Variants in SGCD observed in about 807,000 individuals in gnomAD.
SGCD encodes the protein delta-sarcoglycan.
SGCD carries 18 observed loss-of-function variants against 36.6 expected under a neutral mutation model. That is an observed-to-expected ratio of 0.49 (90% CI 0.34 to 0.73). SGCD has a LOEUF of 0.73. Among genes scored for constraint, SGCD ranks in the 30% least tolerant of loss-of-function variants. The pLI, the probability that SGCD is intolerant of heterozygous loss-of-function variation, is 0.01. For synonymous variants in SGCD, 133 were observed against 130.6 expected (o/e 1.02, Z -0.12); for missense variants, 387 against 346.7 (o/e 1.12, Z -0.92).
At chr5:156,233,373 G>A (rs551158290) in intron 3 of SGCD, among the ~76,000 whole-genome samples, 1 of 152,298 alleles carries the variant, frequency 6.6e-6, no homozygotes, top group Admixed American at 6.5e-5. Context: ...ACTGTAGCTT[G>A]CCTGTTGGTT....
At chr5:156,086,485 G>A (rs1250577577) in intron 1 of SGCD, among the ~76,000 whole-genome samples, 1 of 152,186 alleles carries the variant, frequency 6.6e-6, no homozygotes, top group Non-Finnish European at 1.5e-5. Context: ...GCAGAAATTG[G>A]TTCTTAAGGG....
At chr5:155,784,681 G>A in the SGCD span, among the ~76,000 whole-genome samples, 8 of 139,110 alleles carry the variant, frequency 5.8e-5, no homozygotes, top group South Asian at 7.0e-4. Context: ...CCTCTTGCCT[G>A]AATCCTTGTT....
intron 3 of SGCD, among the ~76,000 whole-genome samples, chr5:156,246,386 A>T (rs1457437737): frequency 1.3e-5 from 2 of 152,154 alleles, no homozygotes; most frequent in African/African-American, 2.4e-5. Flanking sequence ...GTAAAATTCT[A>T]TTGAAAAAAA....
At chr5:156,284,441 G>A (rs190606792) in intron 3 of SGCD, among the ~76,000 whole-genome samples, 32 of 152,168 alleles carry the variant, frequency 2.1e-4, no homozygotes, top group African/African-American at 7.2e-4. Flanking sequence ...CTGGCAAACC[G>A]AATCCAGCAG....
At chr5:155,899,132 A>C (rs924999008) in intron 1 of SGCD, among the ~76,000 whole-genome samples, 3 of 152,170 alleles carry the variant, frequency 2.0e-5, no homozygotes, top group African/African-American at 7.2e-5. Context: ...AGAAAGAGGG[A>C]GATTTATTTG....
At chr5:156,281,334 A>G (rs1581215715) in intron 3 of SGCD, among the ~76,000 whole-genome samples, 1 of 152,130 alleles carries the variant, frequency 6.6e-6, no homozygotes, top group Non-Finnish European at 1.5e-5. Flanking sequence ...GATAATGAAG[A>G]TCAAGAAACA....
intron 1 of SGCD, among the ~76,000 whole-genome samples, chr5:155,910,652 G>C (rs1756611389): frequency 6.6e-6 from 1 of 151,986 alleles, no homozygotes; most frequent in Non-Finnish European, 1.5e-5. Context: ...TAAAAGATTG[G>C]GTACACTCTT....
intron 3 of SGCD, among the ~76,000 whole-genome samples, chr5:156,178,822 T>C (rs1241558513): frequency 1.3e-5 from 2 of 152,284 alleles, no homozygotes; most frequent in Admixed American, 1.3e-4. Flanking sequence ...TGCCTCAGCC[T>C]CAGAAAGTGC....
chr5:156,102,822 G>T (rs555470570), intron 1 of SGCD, among the ~76,000 whole-genome samples: 1 of 152,034 alleles, frequency 6.6e-6, no homozygotes, highest in Non-Finnish European at 1.5e-5. Flanking sequence ...GGGTGTGTGC[G>T]TATATACTTA....
At chr5:156,488,098 GTTTTTTTTTT>G (rs559483068) in intron 3 of SGCD, among the ~76,000 whole-genome samples, 2 of 92,520 alleles carry the variant, frequency 2.2e-5, no homozygotes, top group African/African-American at 3.4e-5. Context: ...TTGAAGACAG[GTTTTTTTTTT>G]TTTTTTTTTT....
chr5:155,839,979 C>G, the SGCD span, among the ~76,000 whole-genome samples: 1 of 151,434 alleles, frequency 6.6e-6, no homozygotes, highest in African/African-American at 2.4e-5. Context: ...ACCTCTTCTG[C>G]TCTTTCTGTA....
At chr5:156,231,611 A>G (rs1339729974) in intron 3 of SGCD, among the ~76,000 whole-genome samples, 1 of 152,202 alleles carries the variant, frequency 6.6e-6, no homozygotes, top group Non-Finnish European at 1.5e-5. Flanking sequence ...GTATTCGATA[A>G]GAGGACTTAC....
intron 3 of SGCD, among the ~76,000 whole-genome samples, chr5:156,261,915 A>G (rs543644752): frequency 1.8e-4 from 27 of 152,208 alleles, no homozygotes; most frequent in Non-Finnish European, 3.8e-4. Context: ...CAGAGTAAAA[A>G]TATAAAGCAG....
At chr5:156,017,739 T>A (rs1385322936) in intron 1 of SGCD, among the ~76,000 whole-genome samples, 1 of 152,180 alleles carries the variant, frequency 6.6e-6, no homozygotes, top group Non-Finnish European at 1.5e-5. Context: ...TCATATTGTC[T>A]TATTTTATAG....
chr5:155,972,551 T>TAGTA, intron 1 of SGCD, among the ~76,000 whole-genome samples: 1 of 152,310 alleles, frequency 6.6e-6, no homozygotes, highest in East Asian at 1.9e-4. Flanking sequence ...TTTAATGTGT[T>TAGTA]AGTAAATGTT....
intron 7 of SGCD, among the ~76,000 whole-genome samples, chr5:156,664,788 G>A (rs1191274775): frequency 1.5e-5 from 2 of 131,214 alleles, no homozygotes; most frequent in African/African-American, 3.1e-5. Context: ...TCATATAAGG[G>A]GAGTTGGGTC....
intron 3 of SGCD, among the ~76,000 whole-genome samples, chr5:156,444,113 T>TCC (rs1163987507): frequency 3.1e-4 from 25 of 80,636 alleles, no homozygotes; most frequent in South Asian, 8.7e-4. Context: ...TCTCTCTCTC[T>TCC]CTCCCCTTCC....
chr5:156,687,863 T>A (rs2113698685), intron 7 of SGCD, among the ~76,000 whole-genome samples: 1 of 152,306 alleles, frequency 6.6e-6, no homozygotes, highest in South Asian at 2.1e-4. Context: ...CATCGTTCGT[T>A]ACCAGCCTAA....
intron 1 of SGCD, among the ~76,000 whole-genome samples, chr5:156,007,118 A>T (rs1423728362): frequency 6.6e-6 from 1 of 152,106 alleles, no homozygotes; most frequent in African/African-American, 2.4e-5. Context: ...ATTCCGCAGG[A>T]TCCTCTAGAC....
Sources: allele counts gnomAD v4.1 joint callset (sites outside exome capture counted in the v4.1 genomes callset), GRCh38; gene constraint gnomAD v4.1.1; transcripts MANE v1.5; gene names NCBI Gene and HGNC (gene_info 2026-07-23, HGNC 2026-07-21).